The following ADCY8 variants were observed in gnomAD, a reference collection of about 807,000 sequenced individuals.
The protein encoded by ADCY8 is adenylate cyclase 8.
In ADCY8, 51 loss-of-function variants were observed where a neutral mutation model predicts 119.7. The ratio of observed to expected loss-of-function variants is 0.43; its 90% CI spans 0.34 to 0.54. ADCY8 has a LOEUF of 0.54. Ranked by LOEUF, ADCY8 falls within the 20% of genes least tolerant of loss-of-function variation. ADCY8 has a pLI of 0.03. For synonymous variants in ADCY8, 665 were observed against 651.0 expected, an observed-to-expected ratio of 1.02 and a Z score of -0.33; for missense variants, 1,383 against 1,598.8, an observed-to-expected ratio of 0.87 and a Z score of 2.30.
intron 15 of ADCY8, among the ~76,000 whole-genome samples, chr8:130,788,549 G>T (rs1016273380): frequency 7.2e-5 from 11 of 152,060 alleles, no homozygotes; most frequent in African/African-American, 2.4e-4. Context: ...GGAGGAATAA[G>T]ATCTGTTCTA....
Position 130,808,290 on chromosome 8 carries a change from A to G in ADCY8, c.2913+5779T>C, listed in dbSNP as rs1039889932. Among the ~76,000 whole-genome samples, 99 of 152,286 alleles carry G rather than the reference A, an allele frequency of 6.5e-4. 1 individual carries two copies. Among genetic ancestry groups the G allele is most frequent in the Admixed American group, 8.5e-4 (13 of 15,306 alleles). On this transcript the variant is annotated intron_variant, in intron 14 of 17. Transcript: ENST00000286355. ...GCACCTGGCACATGGTTGGCCCTCA[A>G]TAAATACTTGAGGAAGGAATGGTTG...
chr8:130,785,521 C>G (rs1418006230), intron 15 of ADCY8, 46 bp from the exon 16 acceptor site: 1 of 1,470,610 alleles, frequency 6.8e-7, no homozygotes, highest in African/African-American at 1.4e-5. Context: ...GTTTATTCTT[C>G]CAGCAGCCTG....
chr8:130,931,972 A>G (rs1007555759), intron 5 of ADCY8, among the ~76,000 whole-genome samples: 2 of 151,986 alleles, frequency 1.3e-5, no homozygotes, highest in Non-Finnish European at 2.9e-5. Flanking sequence ...ACCTTATTTT[A>G]TCTCTTAGTG....
At chr8:130,790,733 G>A (rs924325662) in intron 15 of ADCY8, among the ~76,000 whole-genome samples, 10 of 152,106 alleles carry the variant, frequency 6.6e-5, no homozygotes, top group African/African-American at 1.7e-4. Context: ...CTCAGCTCAG[G>A]CCACTGTTGG....
chr8:130,813,197 T>C (rs1816225521), intron 14 of ADCY8, among the ~76,000 whole-genome samples: 1 of 152,226 alleles, frequency 6.6e-6, no homozygotes, highest in South Asian at 2.1e-4. Flanking sequence ...TCCACCCGCC[T>C]GAGCCTCCCA....
chr8:130,994,274 T>C (rs1360534763), intron 1 of ADCY8, among the ~76,000 whole-genome samples: 2 of 152,254 alleles, frequency 1.3e-5, no homozygotes, highest in Non-Finnish European at 2.9e-5. Context: ...CATCATCTCA[T>C]CCTTTCTTAA....
chr8:130,873,336 A>C (rs1184145215), intron 8 of ADCY8, among the ~76,000 whole-genome samples: 1 of 149,568 alleles, frequency 6.7e-6, no homozygotes, highest in African/African-American at 2.5e-5. Context: ...TTTTTTTTTG[A>C]GACACGAGTT....
At chr8:130,919,791 C>G (rs73717242) in intron 5 of ADCY8, among the ~76,000 whole-genome samples, 8,715 of 152,190 alleles carry the variant, frequency 0.057, 796 homozygotes, top group African/African-American at 0.2. Flanking sequence ...GAGAGGGACA[C>G]CACAGCCCAG....
At chr8:130,948,645 TA>T (rs34700138) in intron 3 of ADCY8, among the ~76,000 whole-genome samples, 4,687 of 91,182 alleles carry the variant, frequency 0.051, 69 homozygotes, top group East Asian at 0.1. Context: ...TCTTCAAAAT[TA>T]AAAAAAAAAA....
chr8:131,004,613 G>A (rs190479267), intron 1 of ADCY8, among the ~76,000 whole-genome samples: 13 of 152,220 alleles, frequency 8.5e-5, no homozygotes, highest in Admixed American at 2.0e-4. Context: ...TATTCATCAC[G>A]GTGCTGCTTC....
intron 8 of ADCY8, among the ~76,000 whole-genome samples, chr8:130,879,434 A>G (rs1000107710): frequency 1.2e-4 from 19 of 152,222 alleles, no homozygotes; most frequent in African/African-American, 4.6e-4. Flanking sequence ...CTACTGCAAT[A>G]ATAATTTTAA....
chr8:130,909,925 T>G, intron 5 of ADCY8, 59 bp from the exon 6 acceptor site: 1 of 1,485,710 alleles, frequency 6.7e-7, no homozygotes, highest in Non-Finnish European at 9.1e-7. Flanking sequence ...CATCGTTGGC[T>G]CTGCACTTTC....
intron 12 of ADCY8, 26 bp downstream of exon 12, chr8:130,836,249 CTT>C (rs766779752): frequency 6.3e-7 from 1 of 1,594,384 alleles, no homozygotes; most frequent in South Asian, 1.1e-5. Flanking sequence ...GTTGAGCACA[CTT>C]TGGACTCACG....
chr8:131,037,851 T>A (rs1245932544), intron 1 of ADCY8, among the ~76,000 whole-genome samples: 1 of 152,154 alleles, frequency 6.6e-6, no homozygotes, highest in Non-Finnish European at 1.5e-5. Context: ...CTTCCCAGAT[T>A]GAGACTTATT....
chr8:130,901,994 A>C (rs1438758862), intron 7 of ADCY8, among the ~76,000 whole-genome samples: 1 of 152,204 alleles, frequency 6.6e-6, no homozygotes, highest in African/African-American at 2.4e-5. Context: ...ACATCAATCA[A>C]CTATAGAATA....
intron 2 of ADCY8, among the ~76,000 whole-genome samples, chr8:130,977,521 G>A (rs1299558715): frequency 6.6e-6 from 1 of 152,002 alleles, no homozygotes; most frequent in East Asian, 1.9e-4. Flanking sequence ...TGCTTTCTGT[G>A]GAATGTATAT....
chr8:130,966,261 C>T lies in ADCY8; in HGVS notation c.1111-14263G>A, dbSNP rs142708133. ...CACTAAGACCTCTGGATCCTTGCAC[C>T]TTATGTCTATGCATTTGGAGGAAAC... On this transcript the variant is annotated intron_variant, in intron 2 of 17. Transcript: ENST00000286355. Among the ~76,000 whole-genome samples the T allele has an allele frequency of 3.3e-3, 496 of 152,262 alleles. 4 individuals are homozygous for T. The highest frequency in any genetic ancestry group is 0.011 in the African/African-American group (469 of 41,540).
intron 2 of ADCY8, among the ~76,000 whole-genome samples, chr8:130,958,106 T>A (rs1821486595): frequency 6.6e-6 from 1 of 152,142 alleles, no homozygotes; most frequent in East Asian, 1.9e-4. Context: ...CTCCTGGATG[T>A]CTTTGGGTTA....
chr8:130,908,458 T>A (rs1395123511), intron 6 of ADCY8, among the ~76,000 whole-genome samples: 1 of 151,918 alleles, frequency 6.6e-6, no homozygotes, highest in Admixed American at 6.6e-5. Context: ...CCACATAGAG[T>A]GAAGGATCCC....
Sources: gnomAD v4.1 joint callset for allele counts (sites outside exome capture counted in the v4.1 genomes callset) on GRCh38, gnomAD v4.1.1 for gene constraint, MANE v1.5 for transcripts, NCBI Gene and HGNC (gene_info 2026-07-23, HGNC 2026-07-21) for gene names.